Variants in FAM131B observed in about 807,000 individuals in gnomAD.
The protein encoded by FAM131B is family with sequence similarity 131 member B, also known as protein FAM131B.
In FAM131B, 19 loss-of-function variants were observed where a neutral mutation model predicts 42.0. That is an observed-to-expected ratio of 0.45 (90% confidence interval 0.32 to 0.66). FAM131B has a LOEUF of 0.66. Among genes scored for constraint, FAM131B ranks in the 30% least tolerant of loss-of-function variants. The pLI is 0.05. For synonymous variants in FAM131B, 183 were observed against 177.6 expected (o/e 1.03, Z -0.24); for missense variants, 370 against 468.4 (o/e 0.79, Z 1.94).
intron 1 of FAM131B, chr7:143,361,834 G>C (rs1804005734): frequency 6.5e-6 from 1 of 154,650 alleles, no homozygotes; most frequent in Non-Finnish European, 1.4e-5. Flanking sequence ...GCGGGTCCCC[G>C]GCCGCCGAGG....
At chr7:143,375,135 G>A in the FAM131B span, among the ~76,000 whole-genome samples, 23 of 152,264 alleles carry the variant, frequency 1.5e-4, no homozygotes, top group Non-Finnish European at 2.4e-4. Flanking sequence ...TGAATAATTC[G>A]TGATGCAATG....
intron 5 of FAM131B, among the ~76,000 whole-genome samples, chr7:143,357,635 A>G (rs936697919): frequency 1.8e-4 from 27 of 152,240 alleles, no homozygotes; most frequent in African/African-American, 6.5e-4. Flanking sequence ...CGATATATAA[A>G]AAGATTTTCA....
rs745981369 is a variant in FAM131B, at chr7:143,358,968, G to T, written c.325C>A (p.Arg109=). 6.8e-6 allele frequency: 11 copies of T among 1,613,916 alleles called. No individual in the cohort carries two copies. In the South Asian group the frequency reaches 1.2e-4, roughly 18 times the overall value. Residue 109 remains arginine (R), a synonymous_variant, in exon 5 of 7, where the codon CGG becomes AGG. Coordinates refer to ENST00000443739, the MANE Select transcript of FAM131B (RefSeq NM_001031690.3). The surrounding 1 kb of genome is among the most constrained non-coding windows in gnomAD (Gnocchi z 4.7). ...VTKPTAMGQG[R]VAHMIEWQGW... is the part of the protein sequence containing the mutation. ...TGCCACTCAATCATGTGGGCCACCC[G>T]GCCTTGCCCCATGGCTGTGGGCTTT... is the stretch of plus-strand genomic sequence containing the variant.
chr7:143,381,383 G>C, the FAM131B span: 4 of 1,180,640 alleles, frequency 3.4e-6, no homozygotes, highest in Non-Finnish European at 4.2e-6. Flanking sequence ...GGCCACCCGA[G>C]ACGCGGCGCG....
chr7:143,362,660 GC>G lies in FAM131B; in HGVS notation c.-58del. On this transcript the variant is annotated 5_prime_UTR_variant, in exon 1 of 7. Coordinates refer to ENST00000443739, the MANE Select transcript of FAM131B (RefSeq NM_001031690.3). The surrounding 1 kb of genome is among the most constrained non-coding windows in gnomAD (Gnocchi z 7.7). The stretch of plus-strand genomic sequence containing the variant: ...CGACTCGGGGCGCGCGCCGGGGGGA[GC>G]ACCGGGAGCCGCGCCGCCGCCCCAG... 1 of 1,067,108 alleles carries G rather than the reference GC, an allele frequency of 9.4e-7. No homozygotes were observed. Among genetic ancestry groups the G allele is most frequent in the Non-Finnish European group, 1.2e-6 (1 of 850,512 alleles). The allele number at this position is 1,067,108 out of a possible 1,614,324, so 66.1% of individuals were successfully genotyped here. A position where few individuals can be genotyped will look rare whatever the true frequency, so the allele number is the denominator to read the frequency against.
the FAM131B span, chr7:143,380,740 G>C: frequency 3.0e-6 from 3 of 985,268 alleles, no homozygotes; most frequent in Middle Eastern, 5.2e-4. This position sits in a 1 kb window ranked among gnomAD's most constrained non-coding sequence, Gnocchi z 5.0. Flanking sequence ...AGAGTCAGCT[G>C]GGGGGTGCTG....
rs1803652019 is a variant in FAM131B at position 143,356,350 on chromosome 7, T to C, written c.*200A>G. 2 of 572,292 alleles carry C rather than the reference T, an allele frequency of 3.5e-6. No homozygotes were observed. Among genetic ancestry groups the C allele is most frequent in the Non-Finnish European group, 6.2e-6 (2 of 321,850 alleles). The allele number at this position is 572,292 out of a possible 1,614,324, so 35.5% of individuals were successfully genotyped here. On this transcript the variant is annotated 3_prime_UTR_variant, in exon 7 of 7. Coordinates refer to ENST00000443739, the MANE Select transcript of FAM131B (RefSeq NM_001031690.3). The surrounding 1 kb of genome is among the most constrained non-coding windows in gnomAD (Gnocchi z 4.4). ...GGCCATCTAGTTGCCCAGGTCTCAGTTCCCAGGCCTGTGGGTTTCTAGAGT... is the reference window on the plus strand; with the variant it reads ...GGCCATCTAGTTGCCCAGGTCTCAGCTCCCAGGCCTGTGGGTTTCTAGAGT...
chr7:143,374,083 AT>A, the FAM131B span, among the ~76,000 whole-genome samples: 202 of 150,528 alleles, frequency 1.3e-3, 1 homozygote, highest in African/African-American at 4.3e-3. Flanking sequence ...TTGATAGGTG[AT>A]TTTTTTTTTC....
chr7:143,359,623 A>G lies in FAM131B; in HGVS notation c.174+109T>C. 8.8e-7 allele frequency: 1 copy of G among 1,130,358 alleles called. No individual in the cohort carries two copies. Among genetic ancestry groups the G allele is most frequent in the South Asian group, 1.3e-5 (1 of 75,536 alleles). The allele number at this position is 1,130,358 out of a possible 1,614,324, so 70.0% of individuals were successfully genotyped here. On this transcript the variant is annotated intron_variant, in intron 3 of 6. Coordinates refer to ENST00000443739, the MANE Select transcript of FAM131B (RefSeq NM_001031690.3). The surrounding 1 kb of genome is among the most constrained non-coding windows in gnomAD (Gnocchi z 5.4). Reference sequence around the variant, plus strand: ...GCACAGGTTGAGAACGTGAGTGCTCACAGTGCCTATTGGAGCCAGGGAATA... The same window carrying G: ...GCACAGGTTGAGAACGTGAGTGCTCGCAGTGCCTATTGGAGCCAGGGAATA...
In FAM131B at chr7:143,362,690, C is replaced by G; in HGVS notation, c.-87G>C. The G allele has an allele frequency of 1.5e-6, 1 of 651,034 alleles. No homozygotes were observed. The highest frequency in any genetic ancestry group is 2.1e-6 in the Non-Finnish European group (1 of 478,572). The allele number at this position is 651,034 out of a possible 1,614,324, so 40.3% of individuals were successfully genotyped here. A position where few individuals can be genotyped will look rare whatever the true frequency, so the allele number is the denominator to read the frequency against. On this transcript the variant is annotated 5_prime_UTR_variant, in exon 1 of 7. Transcript: ENST00000443739. The surrounding 1 kb of genome is among the most constrained non-coding windows in gnomAD (Gnocchi z 7.7). ...GGGAGCCGCGCCGCCGCCCCAGCCG[C>G]TCTGCAGCGCCGCGGCTGTCTCCGC...
At chr7:143,380,630 G>A in the FAM131B span, 1 of 985,418 alleles carries the variant, frequency 1.0e-6, no homozygotes, top group South Asian at 4.7e-5. This position sits in a 1 kb window ranked among gnomAD's most constrained non-coding sequence, Gnocchi z 5.0. Context: ...TGGGGCGCTG[G>A]GGATGCGAAT....
In FAM131B at chr7:143,359,648, A is replaced by G; in HGVS notation, c.174+84T>C. 1 of 1,321,102 alleles carries G rather than the reference A, an allele frequency of 7.6e-7. No homozygotes were observed. Among genetic ancestry groups the G allele is most frequent in the Non-Finnish European group, 1.1e-6 (1 of 936,522 alleles). The allele number at this position is 1,321,102 out of a possible 1,614,324, so 81.8% of individuals were successfully genotyped here. The stretch of plus-strand genomic sequence containing the variant: ...ACAGTGCCTATTGGAGCCAGGGAAT[A>G]CCGTGCTGGTTGGAAGGTGCAAGGG... On this transcript the variant is annotated intron_variant, in intron 3 of 6. Transcript: ENST00000443739. The surrounding 1 kb of genome is among the most constrained non-coding windows in gnomAD (Gnocchi z 5.4).
At chr7:143,377,432 A>G in the FAM131B span, among the ~76,000 whole-genome samples, 7 of 152,208 alleles carry the variant, frequency 4.6e-5, no homozygotes, top group Non-Finnish European at 1.0e-4. Flanking sequence ...CCACAGGTAT[A>G]AAGTAGGGGT....
rs1586535051 is a variant in FAM131B at position 143,358,765 on chromosome 7, T to C, written c.466+62A>G. On this transcript the variant is annotated intron_variant, in intron 5 of 6. Coordinates refer to ENST00000443739, the MANE Select transcript of FAM131B (RefSeq NM_001031690.3). The surrounding 1 kb of genome is among the most constrained non-coding windows in gnomAD (Gnocchi z 4.7). ...GCTAATCCTGCCACAGGGGATCAGG[T>C]TGGAGGGTCGGTCCCTGGCCATCCT... 5 of 1,350,680 alleles carry C rather than the reference T, an allele frequency of 3.7e-6. No individual in the cohort carries two copies. The highest frequency in any genetic ancestry group is 1.2e-5 in the South Asian group (1 of 82,530). The allele number at this position is 1,350,680 out of a possible 1,614,324, so 83.7% of individuals were successfully genotyped here.
rs1419828241 is a variant in FAM131B, at chr7:143,362,609, CG to C, written c.-7del. The C allele has an allele frequency of 1.7e-6, 2 of 1,193,384 alleles. No homozygotes were observed. Among genetic ancestry groups the C allele is most frequent in the Non-Finnish European group, 2.1e-6 (2 of 964,460 alleles). The allele number at this position is 1,193,384 out of a possible 1,614,324, so 73.9% of individuals were successfully genotyped here. A position where few individuals can be genotyped will look rare whatever the true frequency, so the allele number is the denominator to read the frequency against. ...CGGGAGCCGATGCAGCCCATGGCTC[CG>C]GGGGCCGCAGAGCCGGGCCCTCACC... On this transcript the variant is annotated 5_prime_UTR_variant, in exon 1 of 7. Coordinates refer to ENST00000443739, the MANE Select transcript of FAM131B (RefSeq NM_001031690.3). This position sits in a 1 kb window ranked among gnomAD's most constrained non-coding sequence, Gnocchi z 7.7.
In FAM131B at chr7:143,354,179, A is replaced by T. The variant is rs1803554152; in HGVS notation, c.*2371T>A. On this transcript the variant is annotated 3_prime_UTR_variant, in exon 7 of 7. Coordinates refer to ENST00000443739, the MANE Select transcript of FAM131B (RefSeq NM_001031690.3). ...CTTGCAGAAGACAGACCCCCACCTG[A>T]CTTCCATCTGCAGCAATATGCCAGC... 6.6e-6 allele frequency: 1 copy of T among 152,478 alleles called. No individual in the cohort carries two copies. Among genetic ancestry groups the T allele is most frequent in the African/African-American group, 2.4e-5 (1 of 41,364 alleles). 9.4% of individuals were successfully genotyped at this position (152,478 alleles called of 1,614,324 possible). A position where few individuals can be genotyped will look rare whatever the true frequency, so the allele number is the denominator to read the frequency against.
chr7:143,371,366 C>T, the FAM131B span, among the ~76,000 whole-genome samples: 1 of 151,816 alleles, frequency 6.6e-6, no homozygotes, highest in African/African-American at 2.4e-5. Flanking sequence ...AATCCCAGCA[C>T]TTTGGGAGGC....
Position 143,357,310 on chromosome 7 carries a change from C to T in FAM131B, c.580G>A (p.Asp194Asn). ...CTGTCCATCAGTTCCTGGTAGTTGT[C>T]ACTGTAGTTGCAGCCCAATGGCTCC... ...TQEPLGCNYS[D>N]NYQELMDSQD... Residue 194 changes from aspartate (D) to asparagine (N), a missense_variant, in exon 6 of 7, where the codon GAC (aspartate) becomes AAC (asparagine). Asp to Asn is a conservative substitution (Grantham distance 23, BLOSUM62 1). Transcript: ENST00000443739. 6.2e-7 allele frequency: 1 copy of T among 1,614,186 alleles called. No individual in the cohort carries two copies. Among genetic ancestry groups the T allele is most frequent in the Non-Finnish European group, 8.5e-7 (1 of 1,180,016 alleles).
At chr7:143,378,778 C>T in the FAM131B span, among the ~76,000 whole-genome samples, 2 of 152,068 alleles carry the variant, frequency 1.3e-5, no homozygotes, top group Non-Finnish European at 2.9e-5. Context: ...GGTTTCACCA[C>T]GTTGGTCAGG....
Sources: allele counts gnomAD v4.1 joint callset (sites outside exome capture counted in the v4.1 genomes callset), GRCh38; gene constraint gnomAD v4.1.1; non-coding constraint Gnocchi (gnomAD v3.1); transcripts MANE v1.5; gene names NCBI Gene and HGNC (gene_info 2026-07-23, HGNC 2026-07-21).